Variants in ERC2 observed in about 807,000 individuals in gnomAD.
ERC2 encodes ERC protein 2.
A neutral mutation model predicts 114.8 loss-of-function variants in ERC2; 42 were observed. The ratio of observed to expected loss-of-function variants is 0.37; its 90% CI spans 0.29 to 0.47. The LOEUF is 0.47. Ranked by LOEUF, ERC2 falls within the 20% of genes least tolerant of loss-of-function variation. ERC2 has a pLI of 0.99. For missense variants in ERC2, 939 were observed against 1,150.7 expected, an observed-to-expected ratio of 0.82 and a Z score of 2.66; for synonymous variants, 454 against 425.5, an observed-to-expected ratio of 1.07 and a Z score of -0.82.
intron 17 of ERC2, among the ~76,000 whole-genome samples, chr3:55,573,561 G>A (rs563134063): frequency 1.2e-4 from 18 of 152,208 alleles, no homozygotes; most frequent in African/African-American, 4.3e-4. Flanking sequence ...GAAAGGCTGG[G>A]GTAGGTAGGT....
intron 3 of ERC2, among the ~76,000 whole-genome samples, chr3:56,241,638 G>A (rs1027001849): frequency 4.7e-4 from 71 of 152,094 alleles, no homozygotes; most frequent in African/African-American, 1.6e-3. Flanking sequence ...AGATCATAGA[G>A]CTATACATAT....
chr3:56,026,795 T>G (rs1277435950), intron 7 of ERC2, among the ~76,000 whole-genome samples: 3 of 152,014 alleles, frequency 2.0e-5, no homozygotes, highest in African/African-American at 7.3e-5. Context: ...ATATCATGAG[T>G]TTTTATATGC....
intron 12 of ERC2, among the ~76,000 whole-genome samples, chr3:55,952,179 A>ATATATATATATATAT: frequency 3.2e-5 from 2 of 62,108 alleles, no homozygotes; most frequent in East Asian, 8.3e-4. Context: ...ACACACACAC[A>ATATATATATATATAT]CTCTCTCTCT....
At chr3:56,251,179 C>G (rs1380487597) in intron 3 of ERC2, among the ~76,000 whole-genome samples, 3 of 152,172 alleles carry the variant, frequency 2.0e-5, no homozygotes, top group African/African-American at 4.8e-5. Flanking sequence ...ACAGAAAGTT[C>G]CCAACAGCCT....
chr3:55,920,447 C>CACCCCCA (rs59688935), intron 13 of ERC2, among the ~76,000 whole-genome samples: 5 of 139,620 alleles, frequency 3.6e-5, no homozygotes, highest in African/African-American at 1.4e-4. Flanking sequence ...CACACACACA[C>CACCCCCA]CCCAAGTGAG....
At chr3:56,290,392 C>T (rs1349676890) in intron 3 of ERC2, among the ~76,000 whole-genome samples, 1 of 152,114 alleles carries the variant, frequency 6.6e-6, no homozygotes, top group Non-Finnish European at 1.5e-5. Flanking sequence ...AAGAAATTTA[C>T]TGTATTAAAA....
At chr3:56,247,745 C>T (rs1172613406) in intron 3 of ERC2, among the ~76,000 whole-genome samples, 2 of 152,148 alleles carry the variant, frequency 1.3e-5, no homozygotes, top group African/African-American at 4.8e-5. Context: ...AATGGCTAGG[C>T]GCACCGTGGT....
intron 16 of ERC2, among the ~76,000 whole-genome samples, chr3:55,698,328 A>T (rs954916110): frequency 2.0e-5 from 3 of 151,968 alleles, no homozygotes; most frequent in African/African-American, 4.8e-5. Flanking sequence ...CTATATAAAC[A>T]GCTCCCCCAG....
chr3:55,901,579 T>C (rs1052845217), intron 13 of ERC2, among the ~76,000 whole-genome samples: 1 of 152,196 alleles, frequency 6.6e-6, no homozygotes, highest in Non-Finnish European at 1.5e-5. Context: ...ATCCATCTCA[T>C]GCTTTAACTC....
At chr3:56,076,260 G>A (rs1450405171) in intron 7 of ERC2, among the ~76,000 whole-genome samples, 7 of 152,144 alleles carry the variant, frequency 4.6e-5, no homozygotes, top group Non-Finnish European at 1.0e-4. Flanking sequence ...AATGGAGATA[G>A]AATTTTTGTC....
At chr3:55,689,427 G>A (rs1308353644) in intron 16 of ERC2, among the ~76,000 whole-genome samples, 2 of 152,010 alleles carry the variant, frequency 1.3e-5, no homozygotes, top group African/African-American at 2.4e-5. Context: ...CCTCTATGTC[G>A]GCCAACAATA....
chr3:55,771,201 G>T (rs2068176313), intron 14 of ERC2, among the ~76,000 whole-genome samples: 1 of 152,134 alleles, frequency 6.6e-6, no homozygotes, highest in South Asian at 2.1e-4. Context: ...TCTGGTTCTA[G>T]ATCCTTGAGG....
chr3:55,806,583 T>C (rs1472202054), intron 14 of ERC2, among the ~76,000 whole-genome samples: 2 of 152,070 alleles, frequency 1.3e-5, no homozygotes, highest in Non-Finnish European at 1.5e-5. Context: ...CATTTGGCAA[T>C]GTCTGGAGAC....
chr3:55,672,435 C>T (rs1203989017), intron 17 of ERC2, among the ~76,000 whole-genome samples: 1 of 151,986 alleles, frequency 6.6e-6, no homozygotes, highest in Non-Finnish European at 1.5e-5. Context: ...AGTAGCTGGC[C>T]AAGAGTCACA....
Position 55,509,296 on chromosome 3 carries a change from T to C in ERC2, c.*2020A>G, listed in dbSNP as rs374835091. On this transcript the variant is annotated 3_prime_UTR_variant, in exon 18 of 18. Coordinates refer to ENST00000288221, the MANE Select transcript of ERC2 (RefSeq NM_015576.3). The stretch of plus-strand genomic sequence containing the variant: ...TGGATTTCCTACTTCCTACTTCAAG[T>C]ATTCAGTTGCAGAGTTCAGGTCAAG... 1.0e-4 allele frequency: 16 copies of C among 152,660 alleles called. No homozygotes were observed. The East Asian group carries it at 2.9e-3, about 28-fold the overall frequency. The allele number at this position is 152,660 out of a possible 1,614,324, so 9.5% of individuals were successfully genotyped here.
chr3:56,024,347 C>T (rs996181784), intron 7 of ERC2, among the ~76,000 whole-genome samples: 6 of 152,036 alleles, frequency 3.9e-5, no homozygotes, highest in African/African-American at 7.2e-5. Context: ...TCTCTTTGGC[C>T]GCAGCACCCA....
chr3:56,269,201 A>G (rs1445567338), intron 3 of ERC2, among the ~76,000 whole-genome samples: 3 of 152,206 alleles, frequency 2.0e-5, no homozygotes, highest in Non-Finnish European at 4.4e-5. Flanking sequence ...AGTTCCAAGC[A>G]CCATTTTGAC....
intron 2 of ERC2, among the ~76,000 whole-genome samples, chr3:56,431,026 A>G (rs769106291): frequency 2.6e-5 from 4 of 152,198 alleles, no homozygotes; most frequent in Non-Finnish European, 4.4e-5. Flanking sequence ...TAAGTTGCTT[A>G]TTCTCTCTAC....
chr3:55,880,929 A>G (rs1353220578), intron 14 of ERC2, among the ~76,000 whole-genome samples: 1 of 152,094 alleles, frequency 6.6e-6, no homozygotes, highest in Non-Finnish European at 1.5e-5. Flanking sequence ...GTTAAAAATC[A>G]CTTTCTCATG....
Sources: gnomAD v4.1 joint callset for allele counts (sites outside exome capture counted in the v4.1 genomes callset) on GRCh38, gnomAD v4.1.1 for gene constraint, MANE v1.5 for transcripts, NCBI Gene and HGNC (gene_info 2026-07-23, HGNC 2026-07-21) for gene names.